EYS: variants seen among roughly 807,000 people sequenced by gnomAD.
The protein encoded by EYS is EGF-like photoreceptor maintenance factor, also known as protein eyes shut homolog.
In EYS, 250 loss-of-function variants were observed where a neutral mutation model predicts 282.1. The ratio of observed to expected loss-of-function variants is 0.89; its 90% CI spans 0.80 to 0.98. The LOEUF (loss-of-function observed/expected upper bound fraction) is 0.98. Among genes scored for constraint, EYS ranks in the 50% least tolerant of loss-of-function variants. EYS has a pLI of 0.00. For missense variants in EYS, 4,016 were observed against 3,709.0 expected (o/e 1.08, Z -2.15); for synonymous variants, 1,355 against 1,282.9 (o/e 1.06, Z -1.20).
At chr6:64,534,813 A>G (rs1007549639) in intron 26 of EYS, among the ~76,000 whole-genome samples, 7 of 150,558 alleles carry the variant, frequency 4.6e-5, no homozygotes, top group Admixed American at 2.6e-4. Context: ...TTTTTTTCCA[A>G]TGGACAATCA....
At chr6:64,410,517 T>C (rs1773854636) in intron 28 of EYS, among the ~76,000 whole-genome samples, 1 of 152,098 alleles carries the variant, frequency 6.6e-6, no homozygotes, top group Non-Finnish European at 1.5e-5. Context: ...TGAAAGACAA[T>C]CTTAGTTGGA....
intron 29 of EYS, among the ~76,000 whole-genome samples, chr6:64,333,842 T>C (rs1422307313): frequency 6.6e-6 from 1 of 152,338 alleles, no homozygotes; most frequent in East Asian, 1.9e-4. Flanking sequence ...CCAAAAGTAT[T>C]GCTAACAATT....
chr6:64,460,438 T>C (rs1775705953), intron 26 of EYS, among the ~76,000 whole-genome samples: 2 of 152,230 alleles, frequency 1.3e-5, no homozygotes, highest in Admixed American at 6.5e-5. Context: ...GTCTCAATAA[T>C]GTATGTTACA....
chr6:63,790,078 T>C (rs1177640459), intron 37 of EYS, among the ~76,000 whole-genome samples: 1 of 152,200 alleles, frequency 6.6e-6, no homozygotes, highest in Non-Finnish European at 1.5e-5. Flanking sequence ...GTCAGGAAAC[T>C]GAGGCAAAGA....
chr6:64,530,032 A>T (rs1323698816), intron 26 of EYS, among the ~76,000 whole-genome samples: 1 of 152,038 alleles, frequency 6.6e-6, no homozygotes, highest in Non-Finnish European at 1.5e-5. Flanking sequence ...TTCAACCTTA[A>T]TTGTCCCAGT....
At chr6:64,261,334 A>G (rs2150353137) in intron 30 of EYS, among the ~76,000 whole-genome samples, 1 of 152,220 alleles carries the variant, frequency 6.6e-6, no homozygotes, top group Admixed American at 6.5e-5. Flanking sequence ...AAACAATCAC[A>G]AAGTGAGATT....
chr6:63,952,536 G>A (rs1432711391), intron 35 of EYS, among the ~76,000 whole-genome samples: 3 of 152,030 alleles, frequency 2.0e-5, no homozygotes, highest in African/African-American at 4.8e-5. Context: ...TTGATGGCCA[G>A]GCTTCTAAAC....
chr6:64,587,341 C>A (rs1016597527), intron 26 of EYS, among the ~76,000 whole-genome samples: 5 of 152,030 alleles, frequency 3.3e-5, no homozygotes, highest in African/African-American at 1.2e-4. Flanking sequence ...TGGAAGCAGA[C>A]AACTCCCTTC....
intron 12 of EYS, among the ~76,000 whole-genome samples, chr6:65,165,724 T>A (rs1347183031): frequency 4.0e-5 from 6 of 151,096 alleles, no homozygotes; most frequent in Admixed American, 1.3e-4. Flanking sequence ...GAATATTTTT[T>A]CCAGGGATAT....
intron 14 of EYS, among the ~76,000 whole-genome samples, chr6:64,971,070 T>C (rs2207963): frequency 0.35 from 53,660 of 152,000 alleles, 11,587 homozygotes; most frequent in Admixed American, 0.49. Context: ...CATTATATGA[T>C]AACTTAGAGC....
intron 5 of EYS, among the ~76,000 whole-genome samples, chr6:65,443,152 A>T (rs1486209376): frequency 6.8e-6 from 1 of 147,840 alleles, no homozygotes; most frequent in Non-Finnish European, 1.5e-5. Context: ...TGTACACATC[A>T]TACACATATA....
At chr6:65,330,044 A>T in intron 11 of EYS, 1 of 984,498 alleles carries the variant, frequency 1.0e-6, no homozygotes, top group Non-Finnish European at 1.2e-6. Flanking sequence ...GCCAGAAGAC[A>T]CACTGCTATA....
chr6:65,067,604 A>G (rs1261110206), intron 12 of EYS, among the ~76,000 whole-genome samples: 4 of 152,044 alleles, frequency 2.6e-5, no homozygotes, highest in Admixed American at 6.6e-5. Context: ...CTTATACGTA[A>G]TTATTAACTA....
chr6:64,747,981 T>C (rs1227627006), intron 22 of EYS, among the ~76,000 whole-genome samples: 2 of 152,238 alleles, frequency 1.3e-5, no homozygotes, highest in African/African-American at 4.8e-5. Context: ...TTGATGTTTT[T>C]CACATATTTA....
At chr6:65,627,787 G>A (rs1314420359) in intron 2 of EYS, among the ~76,000 whole-genome samples, 1 of 152,190 alleles carries the variant, frequency 6.6e-6, no homozygotes, top group Non-Finnish European at 1.5e-5. Context: ...CCGCGGGGTA[G>A]GGCTCGGGAC....
chr6:65,653,148 C>T (rs969390945), intron 1 of EYS, among the ~76,000 whole-genome samples: 2 of 151,764 alleles, frequency 1.3e-5, no homozygotes, highest in Non-Finnish European at 2.9e-5. Flanking sequence ...GAGAGAAATA[C>T]CCTGTGTTTT....
chr6:63,883,636 T>C (rs1459720863), intron 35 of EYS, among the ~76,000 whole-genome samples: 1 of 152,254 alleles, frequency 6.6e-6, no homozygotes, highest in Non-Finnish European at 1.5e-5. Flanking sequence ...CCTGTCTTCC[T>C]GTCCCGAGTC....
chr6:64,471,291 G>T (rs1776114820), intron 26 of EYS, among the ~76,000 whole-genome samples: 1 of 152,104 alleles, frequency 6.6e-6, no homozygotes, highest in Non-Finnish European at 1.5e-5. Flanking sequence ...TTAGAAAAGA[G>T]GAAGTCAAAT....
intron 33 of EYS, among the ~76,000 whole-genome samples, chr6:64,028,679 C>A (rs546166818): frequency 6.6e-6 from 1 of 152,184 alleles, no homozygotes; most frequent in Non-Finnish European, 1.5e-5. Context: ...TTAGGGATAG[C>A]CCTCATCTGT....
Sources: gnomAD v4.1 joint callset for allele counts (sites outside exome capture counted in the v4.1 genomes callset) on GRCh38, gnomAD v4.1.1 for gene constraint, MANE v1.5 for transcripts, NCBI Gene and HGNC (gene_info 2026-07-23, HGNC 2026-07-21) for gene names.